PI4K2B: variants seen among roughly 807,000 people sequenced by gnomAD.
The protein encoded by PI4K2B is phosphatidylinositol 4-kinase type 2 beta.
PI4K2B carries 46 observed loss-of-function variants against 56.6 expected under a neutral mutation model. The ratio of observed to expected loss-of-function variants is 0.81; its 90% CI spans 0.64 to 1.04. The LOEUF (loss-of-function observed/expected upper bound fraction) is 1.04, where lower values mean the gene tolerates loss of function less well. Among genes scored for constraint, PI4K2B ranks in the 50% least tolerant of loss-of-function variants. PI4K2B has a pLI of 0.00. For synonymous variants in PI4K2B, 211 were observed against 223.8 expected (o/e 0.94, Z 0.51); for missense variants, 556 against 607.7 (o/e 0.91, Z 0.89).
intron 9 of PI4K2B, among the ~76,000 whole-genome samples, chr4:25,275,679 C>CA (rs57955837): frequency 0.088 from 13,230 of 150,090 alleles, 652 homozygotes; most frequent in South Asian, 0.16. Context: ...CAAAACAAAA[C>CA]AAAAAAAAAG....
chr4:25,253,648 AT>A (rs1458815571), intron 2 of PI4K2B, among the ~76,000 whole-genome samples: 11 of 152,198 alleles, frequency 7.2e-5, no homozygotes, highest in South Asian at 4.1e-4. Context: ...TTATAATAAG[AT>A]TTGTTCTTGT....
chr4:25,265,663 A>G (rs1035516419), intron 7 of PI4K2B, among the ~76,000 whole-genome samples: 2 of 152,180 alleles, frequency 1.3e-5, no homozygotes, highest in African/African-American at 4.8e-5. Flanking sequence ...TTAATTGTCC[A>G]TTATTACTAT....
At chr4:25,264,526 ATTGAG>A (rs1716596262) in intron 7 of PI4K2B, among the ~76,000 whole-genome samples, 1 of 151,996 alleles carries the variant, frequency 6.6e-6, no homozygotes, top group African/African-American at 2.4e-5. Context: ...ATTGGTAATG[ATTGAG>A]TTAACATGGG....
intron 1 of PI4K2B, among the ~76,000 whole-genome samples, chr4:25,239,873 TAGGGGCAATGA>T (rs1715442980): frequency 6.6e-6 from 1 of 152,226 alleles, no homozygotes; most frequent in South Asian, 2.1e-4. Context: ...TCCTGCTGGA[TAGGGGCAATGA>T]AGTGGCCCTG....
intron 4 of PI4K2B, among the ~76,000 whole-genome samples, chr4:25,257,842 T>C (rs1010318047): frequency 6.6e-6 from 1 of 152,248 alleles, no homozygotes; most frequent in Non-Finnish European, 1.5e-5. Context: ...TTTCCATATT[T>C]ATGACTACTA....
At chr4:25,234,847 A>C (rs994990745) in intron 1 of PI4K2B, among the ~76,000 whole-genome samples, 1 of 152,224 alleles carries the variant, frequency 6.6e-6, no homozygotes, top group Admixed American at 6.5e-5. Flanking sequence ...CAGGAGAGAG[A>C]TGGACAGCCA....
Position 25,268,585 on chromosome 4 carries a change from AT to A in PI4K2B, c.1212+10del. The A allele has an allele frequency of 6.5e-7, 1 of 1,535,016 alleles. No homozygotes were observed. Among genetic ancestry groups the A allele is most frequent in the South Asian group, 1.2e-5 (1 of 81,560 alleles). On this transcript the variant is annotated intron_variant, in intron 8 of 9. Transcript: ENST00000264864. ...TCTATGAACTTTTTAAGGTAAGTTA[AT>A]GCTTAGTTTGATTATTGCAGAAAAT...
chr4:25,249,434 CGGGGGCTGCCCCCCGCCTCCCGG>C (rs1715944686), intron 1 of PI4K2B, among the ~76,000 whole-genome samples: 2 of 142,982 alleles, frequency 1.4e-5, no homozygotes, highest in Non-Finnish European at 3.0e-5. Context: ...GCTGGCCGGG[CGGGGGCTGCCCCCCGCCTCCCGG>C]ATGGGGCGGC....
Position 25,269,203 on chromosome 4 carries a change from GGTAA to G in PI4K2B, c.1272+3_1272+6del. ...GTCAGATGTCTGTGATGAGGGGTCA[GGTAA>G]GTTACCTTTTTATTTGTTCATAAGG... On this transcript the variant is annotated splice_donor_variant and splice_donor_region_variant and intron_variant, in intron 9 of 9. Coordinates refer to ENST00000264864, the MANE Select transcript of PI4K2B (RefSeq NM_018323.4). LOFTEE classifies it high-confidence loss of function. The G allele has an allele frequency of 6.6e-7, 1 of 1,516,338 alleles. No homozygotes were observed. The highest frequency in any genetic ancestry group is 9.1e-7 in the Non-Finnish European group (1 of 1,093,272). 93.9% of individuals were successfully genotyped at this position (1,516,338 alleles called of 1,614,324 possible).
At chr4:25,238,994 C>T (rs1443155466) in intron 1 of PI4K2B, among the ~76,000 whole-genome samples, 5 of 152,198 alleles carry the variant, frequency 3.3e-5, no homozygotes, top group South Asian at 2.1e-4. Context: ...GGTGCGTTTA[C>T]AATCCCTGAG....
intron 1 of PI4K2B, among the ~76,000 whole-genome samples, chr4:25,242,405 G>A (rs1186026225): frequency 6.6e-6 from 1 of 152,198 alleles, no homozygotes; most frequent in Non-Finnish European, 1.5e-5. Flanking sequence ...TGGGACTTGT[G>A]GTCTGTGGGA....
Position 25,238,922 on chromosome 4 carries a change from C to A in PI4K2B, c.268+4491C>A, listed in dbSNP as rs186360220. On this transcript the variant is annotated intron_variant, in intron 1 of 9. Transcript: ENST00000264864. Reference sequence around the variant, plus strand: ...ACATCCTGCTGATTGGTCCATTTTACAGAGCACTGATTGGTCTGTTTTACA... The same window carrying A: ...ACATCCTGCTGATTGGTCCATTTTAAAGAGCACTGATTGGTCTGTTTTACA... Among the ~76,000 whole-genome samples, 149 of 151,912 alleles carry A rather than the reference C, an allele frequency of 9.8e-4. 2 individuals carry two copies. The highest frequency in any genetic ancestry group is 3.5e-3 in the African/African-American group (145 of 41,422).
At chr4:25,235,003 A>G (rs1715192174) in intron 1 of PI4K2B, among the ~76,000 whole-genome samples, 1 of 152,220 alleles carries the variant, frequency 6.6e-6, no homozygotes. Flanking sequence ...TTTACTTCTA[A>G]TACATAAGAA....
chr4:25,249,485 C>G (rs1268698618), intron 1 of PI4K2B, among the ~76,000 whole-genome samples: 1 of 147,656 alleles, frequency 6.8e-6, no homozygotes, highest in Admixed American at 7.2e-5. Context: ...GCGGGGGCTG[C>G]CCCCCGCCTC....
intron 2 of PI4K2B, among the ~76,000 whole-genome samples, chr4:25,252,818 T>C (rs979650959): frequency 6.6e-6 from 1 of 151,878 alleles, no homozygotes; most frequent in African/African-American, 2.4e-5. Context: ...TCTCCCTATA[T>C]TGCCCTGGCT....
In PI4K2B at chr4:25,263,816, T is replaced by G. The variant is rs1197225643; in HGVS notation, c.1045T>G (p.Phe349Val). 6.5e-7 allele frequency: 1 copy of G among 1,528,184 alleles called. No individual in the cohort carries two copies. Among genetic ancestry groups the G allele is most frequent in the Non-Finnish European group, 9.1e-7 (1 of 1,103,778 alleles). The allele number at this position is 1,528,184 out of a possible 1,614,324, so 94.7% of individuals were successfully genotyped here. ...AGCTGCAATTGATAATGGTCTAGCATTTCCTTTTAAACATCCTGATGAATG... is the reference window on the plus strand; with the variant it reads ...AGCTGCAATTGATAATGGTCTAGCAGTTCCTTTTAAACATCCTGATGAATG... ...KIAAIDNGLA[F>V]PFKHPDEWRA... The change falls in exon 7 of 10, where the codon TTT (phenylalanine) becomes GTT (valine). Residue 349 changes from phenylalanine to valine, a missense_variant. By Grantham distance (50) the Phe-to-Val change is conservative. Coordinates refer to ENST00000264864, the MANE Select transcript of PI4K2B (RefSeq NM_018323.4).
intron 1 of PI4K2B, among the ~76,000 whole-genome samples, chr4:25,241,945 G>A (rs1030241836): frequency 7.2e-5 from 11 of 152,162 alleles, no homozygotes; most frequent in African/African-American, 2.7e-4. Context: ...ATGAGTATTT[G>A]CCCTCTGGGT....
Position 25,277,365 on chromosome 4 carries a change from A to T in PI4K2B, c.*178A>T. ...TTTTTTGTCCAAATATTAAATTTCT[A>T]TTTCAGGGAAGAAGTGCTATATCTC... On this transcript the variant is annotated 3_prime_UTR_variant, in exon 10 of 10. Transcript: ENST00000264864. 1 of 663,970 alleles carries T rather than the reference A, an allele frequency of 1.5e-6. No individual in the cohort carries two copies. Among genetic ancestry groups the T allele is most frequent in the Non-Finnish European group, 2.3e-6 (1 of 439,004 alleles). 41.1% of individuals were successfully genotyped at this position (663,970 alleles called of 1,614,324 possible).
intron 7 of PI4K2B, among the ~76,000 whole-genome samples, chr4:25,266,991 A>G (rs925294661): frequency 1.3e-5 from 2 of 152,184 alleles, no homozygotes; most frequent in African/African-American, 4.8e-5. Flanking sequence ...GAAAGAGGGG[A>G]GGAAAAACTA....
Sources: gnomAD v4.1 joint callset for allele counts (sites outside exome capture counted in the v4.1 genomes callset) on GRCh38, gnomAD v4.1.1 for gene constraint, MANE v1.5 for transcripts, NCBI Gene and HGNC (gene_info 2026-07-23, HGNC 2026-07-21) for gene names.